SPTLC2: variants seen among roughly 807,000 people sequenced by gnomAD.
The protein encoded by SPTLC2 is serine palmitoyltransferase 2.
Under a neutral mutation model 62.0 loss-of-function variants are expected in SPTLC2, and 21 were observed. The ratio of observed to expected loss-of-function variants is 0.34; its 90% CI spans 0.24 to 0.49. The LOEUF is 0.49. SPTLC2 is among the 20% of genes least tolerant of loss of function. The pLI is 0.99. For missense variants in SPTLC2, 511 were observed against 713.0 expected (o/e 0.72, Z 3.23); for synonymous variants, 261 against 261.8 (o/e 1.00, Z 0.03).
At chr14:77,568,320 A>G (rs1194140467) in intron 5 of SPTLC2, among the ~76,000 whole-genome samples, 2 of 152,194 alleles carry the variant, frequency 1.3e-5, no homozygotes, top group Non-Finnish European at 2.9e-5. Flanking sequence ...CACAGAACAT[A>G]CTTTGAATAA....
chr14:77,526,880 C>T (rs1176900219), intron 9 of SPTLC2, among the ~76,000 whole-genome samples: 6 of 147,634 alleles, frequency 4.1e-5, no homozygotes, highest in African/African-American at 1.0e-4. Context: ...CTGCAAGCTC[C>T]GCCTCCTGGG....
intron 2 of SPTLC2, 22 bp downstream of exon 2, chr14:77,597,164 T>C (rs765341792): frequency 2.0e-5 from 32 of 1,611,558 alleles, no homozygotes; most frequent in Non-Finnish European, 2.5e-5. Context: ...ATTTACAGAA[T>C]CAAAAACTCT....
In SPTLC2 at chr14:77,576,804, C is replaced by T. The variant is rs1289826867; in HGVS notation, c.594G>A (p.Glu198=). The change falls in exon 4 of 12, where the codon GAG becomes GAA. Residue 198 remains glutamate, a synonymous_variant. Transcript: ENST00000216484. The stretch of plus-strand genomic sequence containing the variant: ...GAGTACTGCACACTCCAGCTCCATA[C>T]TCCTCAAGGACTTTGGCGGCTGCTT... ...CQEAAAKVLE[E]YGAGVCSTRQ... is the part of the protein sequence containing the mutation. The T allele has an allele frequency of 6.2e-7, 1 of 1,614,212 alleles. No homozygotes were observed. Among genetic ancestry groups the T allele is most frequent in the Admixed American group, 1.7e-5 (1 of 60,016 alleles).
chr14:77,597,589 A>AGG (rs1461768718), intron 1 of SPTLC2, among the ~76,000 whole-genome samples: 1 of 117,166 alleles, frequency 8.5e-6, no homozygotes, highest in Non-Finnish European at 1.8e-5. Flanking sequence ...AGCCTGGTCA[A>AGG]CATGGTGAAA....
intron 1 of SPTLC2, 150 bp downstream of exon 1, chr14:77,616,298 G>C: frequency 2.7e-6 from 1 of 368,110 alleles, no homozygotes; most frequent in Non-Finnish European, 4.5e-6. Flanking sequence ...CGTGGAGGTC[G>C]GGCCAGCGGC....
chr14:77,512,197 C>T lies in SPTLC2; in HGVS notation c.*87G>A, dbSNP rs1320254893. Reference sequence around the variant, plus strand: ...CAATGTCTTTCACGTGAGATGGCCACAGAAGTGTGGTTCCTGGAACTGGCT... The same window carrying T: ...CAATGTCTTTCACGTGAGATGGCCATAGAAGTGTGGTTCCTGGAACTGGCT... On this transcript the variant is annotated 3_prime_UTR_variant, in exon 12 of 12. Transcript: ENST00000216484. The T allele has an allele frequency of 1.3e-6, 2 of 1,598,332 alleles. No homozygotes were observed. Among genetic ancestry groups the T allele is most frequent in the Admixed American group, 1.7e-5 (1 of 59,900 alleles).
intron 4 of SPTLC2, among the ~76,000 whole-genome samples, chr14:77,575,322 A>C (rs1281132301): frequency 6.6e-6 from 1 of 152,160 alleles, no homozygotes; most frequent in Non-Finnish European, 1.5e-5. Flanking sequence ...TGTTGTTTTA[A>C]ATTTCGTGAG....
rs962657330 is a variant in SPTLC2, at chr14:77,508,486, T to G, written c.*3798A>C. The G allele has an allele frequency of 2.6e-5, 4 of 152,232 alleles. No homozygotes were observed. Among genetic ancestry groups the G allele is most frequent in the African/African-American group, 9.6e-5 (4 of 41,472 alleles). The allele number at this position is 152,232 out of a possible 1,614,324, so 9.4% of individuals were successfully genotyped here. ...TCACGGCCTACGGCATGACTGGCAGTTCTGCACTGTTGCCCAATCCCGGAT... is the reference window on the plus strand; with the variant it reads ...TCACGGCCTACGGCATGACTGGCAGGTCTGCACTGTTGCCCAATCCCGGAT... On this transcript the variant is annotated 3_prime_UTR_variant, in exon 12 of 12. Transcript: ENST00000216484.
chr14:77,529,620 C>CTTTTTTTTTTTTTTTT (rs71452856), intron 9 of SPTLC2, among the ~76,000 whole-genome samples: 4 of 76,048 alleles, frequency 5.3e-5, no homozygotes, highest in Non-Finnish European at 8.1e-5. Flanking sequence ...TTCTTTCTTT[C>CTTTTTTTTTTTTTTTT]TTTTTTTTTT....
At chr14:77,516,513 G>A (rs1023169712) in intron 11 of SPTLC2, among the ~76,000 whole-genome samples, 3 of 151,842 alleles carry the variant, frequency 2.0e-5, no homozygotes, top group Non-Finnish European at 4.4e-5. Flanking sequence ...CATCAATAGA[G>A]TAGGAAGGAA....
At position 77,508,218 on chromosome 14, in the gene SPTLC2, T is replaced by C. The variant is rs968961819; in HGVS notation, c.*4066A>G. 1.3e-5 allele frequency: 2 copies of C among 152,230 alleles called. No individual in the cohort carries two copies. Among genetic ancestry groups the C allele is most frequent in the African/African-American group, 4.8e-5 (2 of 41,454 alleles). The allele number at this position is 152,230 out of a possible 1,614,324, so 9.4% of individuals were successfully genotyped here. Reference sequence around the variant, plus strand: ...AATTTTTGTAGAGACAGGGTCTATCTTGCCCTGGCTGTCCTAACAATTCAT... The same window carrying C: ...AATTTTTGTAGAGACAGGGTCTATCCTGCCCTGGCTGTCCTAACAATTCAT... On this transcript the variant is annotated 3_prime_UTR_variant, in exon 12 of 12. Transcript: ENST00000216484.
chr14:77,555,192 G>T, intron 8 of SPTLC2, 108 bp downstream of exon 8: 2 of 1,268,354 alleles, frequency 1.6e-6, no homozygotes, highest in Admixed American at 1.7e-5. Flanking sequence ...TAAACCAGAG[G>T]CAAATTTGCG....
In SPTLC2 at chr14:77,596,571, G is replaced by A. The variant is rs185075240; in HGVS notation, c.327+615C>T. Among the ~76,000 whole-genome samples, 306 of 151,928 alleles carry A rather than the reference G, an allele frequency of 2.0e-3. 1 individual carries two copies. Among genetic ancestry groups the A allele is most frequent in the South Asian group, 3.9e-3 (19 of 4,824 alleles). On this transcript the variant is annotated intron_variant, in intron 2 of 11. Transcript: ENST00000216484. ...GGTACAAAGGAACATGCAGAGAAAA[G>A]TGAAGTGAATGAAGAAGCCCTCTTC... is the stretch of plus-strand genomic sequence containing the variant.
intron 1 of SPTLC2, among the ~76,000 whole-genome samples, chr14:77,612,915 G>C (rs1478569463): frequency 6.6e-6 from 1 of 152,168 alleles, no homozygotes; most frequent in Admixed American, 6.5e-5. Context: ...AAAAAAGTTA[G>C]GGTCAAAACT....
At position 77,517,889 on chromosome 14, in the gene SPTLC2, G is replaced by C. The variant is rs537874557; in HGVS notation, c.1569+149C>G. ...AGGTGTGGTGGGTGACAGTTTTTTTGTAAATGCCAATGTTTTTGGTAGCAC... is the reference window on the plus strand; with the variant it reads ...AGGTGTGGTGGGTGACAGTTTTTTTCTAAATGCCAATGTTTTTGGTAGCAC... On this transcript the variant is annotated intron_variant, in intron 11 of 11. Coordinates refer to ENST00000216484, the MANE Select transcript of SPTLC2 (RefSeq NM_004863.4). The C allele has an allele frequency of 6.2e-6, 8 of 1,298,592 alleles. No individual in the cohort carries two copies. The East Asian group carries it at 1.9e-4, about 30-fold the overall frequency. The allele number at this position is 1,298,592 out of a possible 1,614,324, so 80.4% of individuals were successfully genotyped here. A position where few individuals can be genotyped will look rare whatever the true frequency, so the allele number is the denominator to read the frequency against.
intron 2 of SPTLC2, among the ~76,000 whole-genome samples, chr14:77,591,961 T>G (rs1424972007): frequency 6.6e-6 from 1 of 151,926 alleles, no homozygotes; most frequent in Non-Finnish European, 1.5e-5. Context: ...TGACTTCAGG[T>G]GATCCGCCCG....
chr14:77,518,845 C>T (rs1051409793), intron 10 of SPTLC2, among the ~76,000 whole-genome samples: 1 of 152,190 alleles, frequency 6.6e-6, no homozygotes, highest in Non-Finnish European at 1.5e-5. Context: ...AACAACACTG[C>T]TTCAGAATTC....
chr14:77,569,084 C>T (rs1299058556), intron 5 of SPTLC2, among the ~76,000 whole-genome samples: 1 of 149,988 alleles, frequency 6.7e-6, no homozygotes, highest in Non-Finnish European at 1.5e-5. Flanking sequence ...ATTATAACCT[C>T]TTGATGAATT....
intron 9 of SPTLC2, among the ~76,000 whole-genome samples, chr14:77,531,016 TCTA>T (rs1210525623): frequency 5.3e-5 from 8 of 152,182 alleles, no homozygotes; most frequent in Non-Finnish European, 1.0e-4. Context: ...TCTCCTTCAG[TCTA>T]CTACATCATG....
Sources: gnomAD v4.1 joint callset for allele counts (sites outside exome capture counted in the v4.1 genomes callset) on GRCh38, gnomAD v4.1.1 for gene constraint, MANE v1.5 for transcripts, NCBI Gene and HGNC (gene_info 2026-07-23, HGNC 2026-07-21) for gene names.